Variants in INKA2 observed in about 807,000 individuals in gnomAD.
INKA2 encodes the protein PAK4-inhibitor INKA2.
In INKA2, 3 loss-of-function variants were observed where a neutral mutation model predicts 9.8. That is an observed-to-expected ratio of 0.31 (90% CI 0.14 to 0.79). The LOEUF is 0.79. Among genes scored for constraint, INKA2 ranks in the 30% least tolerant of loss-of-function variants. The pLI is 0.62. For synonymous variants in INKA2, 147 were observed against 143.3 expected, an observed-to-expected ratio of 1.03 and a Z score of -0.18; for missense variants, 392 against 384.4, an observed-to-expected ratio of 1.02 and a Z score of -0.17.
chr1:111,739,138 G>T (rs758437602), intron 1 of INKA2, 48 bp downstream of exon 1: 3 of 1,583,534 alleles, frequency 1.9e-6, no homozygotes, highest in Non-Finnish European at 2.6e-6. Flanking sequence ...CCAGGTGCCC[G>T]TCGGGGCGGA....
chr1:111,730,629 C>T (rs1303198235), intron 1 of INKA2, among the ~76,000 whole-genome samples: 1 of 152,242 alleles, frequency 6.6e-6, no homozygotes, highest in African/African-American at 2.4e-5. Context: ...CTCCCTGAGA[C>T]GTACCCCCCA....
intron 1 of INKA2, chr1:111,746,296 A>C (rs1194094460): frequency 6.6e-6 from 1 of 152,252 alleles, no homozygotes; most frequent in East Asian, 1.9e-4. Context: ...CCAGAGAAGA[A>C]AGGCAGCGAG....
intron 1 of INKA2, chr1:111,754,363 C>G (rs1384836837): frequency 6.6e-6 from 1 of 152,136 alleles, no homozygotes. Context: ...GACCACCTTC[C>G]AATGGGATTA....
rs1256065444 is a variant in INKA2, at chr1:111,727,147, C to T, written c.715G>A (p.Glu239Lys). ...TTCTGTGAGCGGCCGGTTCGGGACT[C>T]AGGGACCATGGGTGTCACCCAGCCT... ...KPGWVTPMVPESRTGRSQKVK... is the reference protein window; with the variant it reads ...KPGWVTPMVPKSRTGRSQKVK... The change falls in exon 2 of 2, where the codon GAG becomes AAG. Residue 239 changes from glutamate (E) to lysine (K), a missense_variant. Physicochemically the swap from Glu to Lys is moderately conservative, Grantham distance 56. Transcript: ENST00000357260. 6 of 1,614,224 alleles carry T rather than the reference C, an allele frequency of 3.7e-6. No individual in the cohort carries two copies. Among genetic ancestry groups the T allele is most frequent in the Non-Finnish European group, 8.5e-7 (1 of 1,180,042 alleles).
At position 111,726,296 on chromosome 1, in the gene INKA2, G is replaced by A. The variant is rs959748304; in HGVS notation, c.*672C>T. ...TCCTTCCCCTGTGCATGGGGGAGAC[G>A]CGGGGAGTGTCTAGGGCTTCCCTGG... On this transcript the variant is annotated 3_prime_UTR_variant, in exon 2 of 2. Transcript: ENST00000357260. The A allele has an allele frequency of 4.0e-5, 15 of 378,600 alleles. No individual in the cohort carries two copies. In the Admixed American group the frequency reaches 4.5e-4, roughly 11 times the overall value. The allele number at this position is 378,600 out of a possible 1,614,324, so 23.5% of individuals were successfully genotyped here. A position where few individuals can be genotyped will look rare whatever the true frequency, so the allele number is the denominator to read the frequency against.
chr1:111,729,108 C>T (rs1557909415), intron 1 of INKA2, among the ~76,000 whole-genome samples: 1 of 152,232 alleles, frequency 6.6e-6, no homozygotes, highest in South Asian at 2.1e-4. Flanking sequence ...CTGTCCTCTA[C>T]AGGACAGTGA....
chr1:111,741,033 A>G (rs197441), upstream of INKA2, among the ~76,000 whole-genome samples: 48,886 of 113,956 alleles, frequency 0.43, 11,846 homozygotes, highest in African/African-American at 0.66. Context: ...GGGGAGAGGA[A>G]GAGGAGAGAG....
At chr1:111,745,502 A>G (rs1171736607) in intron 1 of INKA2, 1 of 150,920 alleles carries the variant, frequency 6.6e-6, no homozygotes, top group Non-Finnish European at 1.5e-5. Flanking sequence ...GGGTTTTGCC[A>G]TGTTGCCCAG....
rs1375355964 is a variant in INKA2 at position 111,725,889 on chromosome 1, C to T, written c.*1079G>A. Reference sequence around the variant, plus strand: ...CTGGGTTTACAGGCGTGTGCCACCACGCCTGGCTAATTTTTACGTATTTTT... The same window carrying T: ...CTGGGTTTACAGGCGTGTGCCACCATGCCTGGCTAATTTTTACGTATTTTT... On this transcript the variant is annotated 3_prime_UTR_variant, in exon 2 of 2. Transcript: ENST00000357260. The T allele has an allele frequency of 4.3e-5, 15 of 347,164 alleles. No individual in the cohort carries two copies. Among genetic ancestry groups the T allele is most frequent in the East Asian group, 1.3e-4 (3 of 23,636 alleles). 21.5% of individuals were successfully genotyped at this position (347,164 alleles called of 1,614,324 possible). A position where few individuals can be genotyped will look rare whatever the true frequency, so the allele number is the denominator to read the frequency against.
chr1:111,731,470 C>A (rs921877685), intron 1 of INKA2, among the ~76,000 whole-genome samples: 1 of 152,206 alleles, frequency 6.6e-6, no homozygotes. Flanking sequence ...CCCACCTCAG[C>A]CTCCCAAGTA....
upstream of INKA2, among the ~76,000 whole-genome samples, chr1:111,742,909 G>A (rs1275024097): frequency 3.3e-5 from 5 of 152,202 alleles, no homozygotes; most frequent in African/African-American, 7.2e-5. Context: ...GAAGGCCAAC[G>A]TTACCCCAGG....
At chr1:111,743,928 G>C (rs1663203703), upstream of INKA2, among the ~76,000 whole-genome samples, 1 of 152,234 alleles carries the variant, frequency 6.6e-6, no homozygotes, top group Non-Finnish European at 1.5e-5. Flanking sequence ...AACACATGCT[G>C]TTGGAATGTG....
Position 111,723,010 on chromosome 1 carries a change from A to G in INKA2, c.*3958T>C. 2.9e-6 allele frequency: 2 copies of G among 698,462 alleles called. No individual in the cohort carries two copies. The highest frequency in any genetic ancestry group is 2.7e-5 in the East Asian group (1 of 37,082). The allele number at this position is 698,462 out of a possible 1,614,324, so 43.3% of individuals were successfully genotyped here. ...AGAAACACAAGGTTCAGAGAGATCA[A>G]GCAACATGCTCAAGCTTCCACAGTG... On this transcript the variant is annotated 3_prime_UTR_variant, in exon 2 of 2. Transcript: ENST00000357260.
chr1:111,755,499 CGAAG>C, intron 1 of INKA2: 1 of 601,680 alleles, frequency 1.7e-6, no homozygotes, highest in Non-Finnish European at 2.8e-6. Context: ...GAGGTGGCCG[CGAAG>C]CGAGACAGGC....
rs939493797 is a variant in INKA2, at chr1:111,726,759, C to T, written c.*209G>A. 6.6e-6 allele frequency: 4 copies of T among 610,266 alleles called. No individual in the cohort carries two copies. Among genetic ancestry groups the T allele is most frequent in the South Asian group, 3.8e-5 (2 of 52,258 alleles). The allele number at this position is 610,266 out of a possible 1,614,324, so 37.8% of individuals were successfully genotyped here. ...CAGCTCACTCTCCAGCTACTCTTACCTCCTCCACCAGCTAGCCCCCAAGAC... is the reference window on the plus strand; with the variant it reads ...CAGCTCACTCTCCAGCTACTCTTACTTCCTCCACCAGCTAGCCCCCAAGAC... On this transcript the variant is annotated 3_prime_UTR_variant, in exon 2 of 2. Transcript: ENST00000357260.
Position 111,739,244 on chromosome 1 carries a change from C to T in INKA2, c.-2G>A, listed in dbSNP as rs1451719014. 2 of 1,613,714 alleles carry T rather than the reference C, an allele frequency of 1.2e-6. No homozygotes were observed. The highest frequency in any genetic ancestry group is 2.2e-5 in the East Asian group (1 of 44,838). Reference sequence around the variant, plus strand: ...CATTTCCCTGCTCTCCATCGTCATGCGCCCATTTGTCGGGTTCGGTTCAAA... The same window carrying T: ...CATTTCCCTGCTCTCCATCGTCATGTGCCCATTTGTCGGGTTCGGTTCAAA... On this transcript the variant is annotated 5_prime_UTR_variant, in exon 1 of 2. Coordinates refer to ENST00000357260, the MANE Select transcript of INKA2 (RefSeq NM_019099.5).
At position 111,723,546 on chromosome 1, in the gene INKA2, A is replaced by AGGGTG. The variant is rs1331584071; in HGVS notation, c.*3417_*3421dup. 2 of 147,424 alleles carry AGGGTG rather than the reference A, an allele frequency of 1.4e-5. No homozygotes were observed. The allele number at this position is 147,424 out of a possible 1,614,324, so 9.1% of individuals were successfully genotyped here. ...CTTGTACCTGCCAGGGAAGTGGGGC[A>AGGGTG]GGGTGGGGTGGGGCTACATGTCAGG... On this transcript the variant is annotated 3_prime_UTR_variant, in exon 2 of 2. Coordinates refer to ENST00000357260, the MANE Select transcript of INKA2 (RefSeq NM_019099.5).
At chr1:111,741,073 G>A (rs1219176192), upstream of INKA2, among the ~76,000 whole-genome samples, 3 of 150,458 alleles carry the variant, frequency 2.0e-5, no homozygotes, top group Non-Finnish European at 3.0e-5. Context: ...GAGACATGGC[G>A]CGGGGAGGGA....
chr1:111,747,568 A>G (rs1663302058), intron 1 of INKA2: 1 of 152,366 alleles, frequency 6.6e-6, no homozygotes, highest in African/African-American at 2.4e-5. Context: ...CCCCATGTCC[A>G]GAATCTGATC....
Sources: allele counts gnomAD v4.1 joint callset (sites outside exome capture counted in the v4.1 genomes callset), GRCh38; gene constraint gnomAD v4.1.1; transcripts MANE v1.5; gene names NCBI Gene and HGNC (gene_info 2026-07-23, HGNC 2026-07-21).